Variants in BCL11B observed in about 807,000 individuals in gnomAD.
BCL11B encodes B-cell lymphoma/leukemia 11B.
BCL11B carries 8 observed loss-of-function variants against 49.9 expected under a neutral mutation model. The ratio of observed to expected loss-of-function variants is 0.16; its 90% CI spans 0.09 to 0.29. The LOEUF (loss-of-function observed/expected upper bound fraction) is 0.29, where lower values mean the gene tolerates loss of function less well. BCL11B is among the 10% of genes least tolerant of loss of function. The pLI is 1.00. For synonymous variants in BCL11B, 739 were observed against 637.4 expected (o/e 1.16, Z -2.40); for missense variants, 1,006 against 1,351.0 (o/e 0.74, Z 4.00).
chr14:99,215,296 G>A (rs1329744922), intron 3 of BCL11B, among the ~76,000 whole-genome samples: 1 of 152,224 alleles, frequency 6.6e-6, no homozygotes, highest in Non-Finnish European at 1.5e-5. Context: ...TGGCATGCCT[G>A]AGCCGACTTT....
Position 99,172,141 on chromosome 14 carries a change from T to C in BCL11B, c.*2010A>G, listed in dbSNP as rs1366923463. 1.4e-5 allele frequency: 3 copies of C among 221,954 alleles called. No individual in the cohort carries two copies. Among genetic ancestry groups the C allele is most frequent in the Non-Finnish European group, 2.7e-5 (3 of 110,802 alleles). The allele number at this position is 221,954 out of a possible 1,614,324, so 13.7% of individuals were successfully genotyped here. A position where few individuals can be genotyped will look rare whatever the true frequency, so the allele number is the denominator to read the frequency against. On this transcript the variant is annotated 3_prime_UTR_variant, in exon 4 of 4. Transcript: ENST00000357195. ...TATTTTTAAGACAGAGTGCACTAAA[T>C]TTAACTTTAGAAAAAATTAGCCGTT...
chr14:99,239,945 G>A (rs1888614063), intron 2 of BCL11B, among the ~76,000 whole-genome samples: 1 of 152,118 alleles, frequency 6.6e-6, no homozygotes, highest in African/African-American at 2.4e-5. Context: ...AAAACGGAGT[G>A]CCCAGCAAGG....
intron 3 of BCL11B, among the ~76,000 whole-genome samples, chr14:99,187,989 G>C (rs547305211): frequency 6.6e-6 from 1 of 152,158 alleles, no homozygotes; most frequent in East Asian, 1.9e-4. Context: ...CCTCGATACC[G>C]AGTTATATAG....
Position 99,176,003 on chromosome 14 carries a change from G to A in BCL11B, c.833C>T (p.Pro278Leu), listed in dbSNP as rs1487945640. The A allele has an allele frequency of 6.5e-7, 1 of 1,540,324 alleles. No homozygotes were observed. Among genetic ancestry groups the A allele is most frequent in the Non-Finnish European group, 8.7e-7 (1 of 1,144,098 alleles). ...GCTGTCGCCCAGGAAATTCATGAGC[G>A]GGGACTGCGCCACGGCCTCCGGCCC... is the stretch of plus-strand genomic sequence containing the variant. ...PLGPEAVAQS[P>L]LMNFLGDSNP... Residue 278 changes from proline to leucine, a missense_variant, in exon 4 of 4, where the codon CCG becomes CTG. By Grantham distance (98) the Pro-to-Leu change is moderately conservative. This residue lies in a region of BCL11B where 411 missense variants were observed against 542.2 expected (regional missense o/e 0.76). Transcript: ENST00000357195.
chr14:99,240,189 GA>G (rs1888621097), intron 2 of BCL11B, among the ~76,000 whole-genome samples: 1 of 152,054 alleles, frequency 6.6e-6, no homozygotes, highest in African/African-American at 2.4e-5. Context: ...AAGAAAAAAG[GA>G]AAGAAAGAAA....
intron 1 of BCL11B, among the ~76,000 whole-genome samples, chr14:99,265,731 C>T (rs752326272): frequency 3.9e-5 from 6 of 152,184 alleles, no homozygotes; most frequent in Non-Finnish European, 8.8e-5. Flanking sequence ...GTAGAGAAAT[C>T]ATCAGATAAA....
chr14:99,259,029 G>A (rs1022498529), intron 1 of BCL11B, among the ~76,000 whole-genome samples: 2 of 152,126 alleles, frequency 1.3e-5, no homozygotes, highest in Non-Finnish European at 2.9e-5. Context: ...ATAAAGAGAA[G>A]TGGACAGTGT....
intron 1 of BCL11B, among the ~76,000 whole-genome samples, chr14:99,270,670 G>T (rs1889643259): frequency 6.6e-6 from 1 of 151,706 alleles, no homozygotes; most frequent in Admixed American, 6.6e-5. Context: ...GGCTCCCCCA[G>T]CCGGAACGCA....
At chr14:99,267,544 ACCC>A (rs57963488) in intron 1 of BCL11B, among the ~76,000 whole-genome samples, 5,506 of 131,862 alleles carry the variant, frequency 0.042, 224 homozygotes, top group Non-Finnish European at 0.06. Context: ...GAGGAACTTC[ACCC>A]CCCCCCCACC....
At chr14:99,218,703 A>G (rs902899330) in intron 3 of BCL11B, among the ~76,000 whole-genome samples, 2 of 151,916 alleles carry the variant, frequency 1.3e-5, no homozygotes, top group Non-Finnish European at 2.9e-5. Flanking sequence ...ATCCAGCAAG[A>G]GGCATGCAGA....
intron 2 of BCL11B, among the ~76,000 whole-genome samples, chr14:99,234,880 AGTC>A (rs1888446785): frequency 8.3e-6 from 1 of 119,892 alleles, no homozygotes; most frequent in Non-Finnish European, 1.7e-5. Context: ...AAAAAAAAAA[AGTC>A]TAAAAATAAG....
chr14:99,240,587 A>G (rs1214235534), intron 2 of BCL11B, among the ~76,000 whole-genome samples: 1 of 152,230 alleles, frequency 6.6e-6, no homozygotes, highest in East Asian at 1.9e-4. Flanking sequence ...TTTAATATAC[A>G]TATCGTAAGC....
intron 3 of BCL11B, among the ~76,000 whole-genome samples, chr14:99,229,432 G>A (rs577740614): frequency 2.6e-5 from 4 of 152,136 alleles, no homozygotes; most frequent in Non-Finnish European, 2.9e-5. Context: ...AGGCAGCGTG[G>A]CTCCACAGGA....
rs1198047210 is a variant in BCL11B, at chr14:99,242,937, G to A, written c.428-11380C>T. On this transcript the variant is annotated intron_variant, in intron 2 of 3. Coordinates refer to ENST00000357195, the MANE Select transcript of BCL11B (RefSeq NM_138576.4). This position sits in a 1 kb window ranked among gnomAD's most constrained non-coding sequence, Gnocchi z 4.4. ...TGCCAATTTTTGTTAGCTCTGAGAG[G>A]CGGTGAGAATTTCCTCACTGGTCCG... is the stretch of plus-strand genomic sequence containing the variant. 6.6e-6 allele frequency among the ~76,000 whole-genome samples: 1 copy of A among 152,114 alleles called. No individual in the cohort carries two copies. Among genetic ancestry groups the A allele is most frequent in the East Asian group, 1.9e-4 (1 of 5,186 alleles).
intron 3 of BCL11B, among the ~76,000 whole-genome samples, chr14:99,196,388 T>G (rs1372584763): frequency 6.6e-6 from 1 of 151,482 alleles, no homozygotes; most frequent in Non-Finnish European, 1.5e-5. Context: ...GGGCTGGGGG[T>G]GCACCGGCCA....
Position 99,262,111 on chromosome 14 carries a change from C to T in BCL11B, c.59-4272G>A, listed in dbSNP as rs76801057. On this transcript the variant is annotated intron_variant, in intron 1 of 3. Transcript: ENST00000357195. The surrounding 1 kb of genome is among the most constrained non-coding windows in gnomAD (Gnocchi z 4.2). ...TCAGAAGAAAGAAATGGAAAGACAT[C>T]GTTAACACAGGCCCAGCCAAGCAGC... Among the ~76,000 whole-genome samples, 4,003 of 152,302 alleles carry T rather than the reference C, an allele frequency of 0.026. 86 individuals carry two copies. Among genetic ancestry groups the T allele is most frequent in the Admixed American group, 0.054 (820 of 15,298 alleles).
intron 3 of BCL11B, among the ~76,000 whole-genome samples, chr14:99,208,890 C>T (rs904578463): frequency 6.6e-6 from 1 of 152,206 alleles, no homozygotes; most frequent in African/African-American, 2.4e-5. Flanking sequence ...GCTCCAACAG[C>T]CACATACACT....
chr14:99,256,370 G>A (rs144299234), intron 2 of BCL11B, among the ~76,000 whole-genome samples: 3 of 152,206 alleles, frequency 2.0e-5, no homozygotes, highest in Non-Finnish European at 4.4e-5. Flanking sequence ...CTCACACCAG[G>A]CCTGCTGCTA....
intron 2 of BCL11B, among the ~76,000 whole-genome samples, chr14:99,253,876 G>GT (rs1889080675): frequency 6.6e-6 from 1 of 152,224 alleles, no homozygotes; most frequent in African/African-American, 2.4e-5. Context: ...AGGCAGCGAT[G>GT]TATCAGAGGC....
Sources: allele counts gnomAD v4.1 joint callset (sites outside exome capture counted in the v4.1 genomes callset), GRCh38; gene constraint gnomAD v4.1.1; regional missense constraint gnomAD v4.1.1; non-coding constraint Gnocchi (gnomAD v3.1); transcripts MANE v1.5; gene names NCBI Gene and HGNC (gene_info 2026-07-23, HGNC 2026-07-21).